The following MPP4 variants were observed in gnomAD, a reference collection of about 807,000 sequenced individuals.
The protein encoded by MPP4 is MAGUK p55 subfamily member 4.
Under a neutral mutation model 98.3 loss-of-function variants are expected in MPP4, and 91 were observed. That is an observed-to-expected ratio of 0.93 (90% confidence interval 0.78 to 1.10). The LOEUF (loss-of-function observed/expected upper bound fraction) is 1.10. MPP4 is among the 50% of genes least tolerant of loss of function. The pLI is 0.00. For missense variants in MPP4, 744 were observed against 792.9 expected, an observed-to-expected ratio of 0.94 and a Z score of 0.74; for synonymous variants, 261 against 271.8, an observed-to-expected ratio of 0.96 and a Z score of 0.39.
intron 8 of MPP4, among the ~76,000 whole-genome samples, chr2:201,681,997 G>A (rs910543470): frequency 2.0e-5 from 3 of 152,128 alleles, no homozygotes; most frequent in Non-Finnish European, 4.4e-5. Context: ...GAAGAAGAGG[G>A]GCTCCTAAGT....
intron 1 of MPP4, among the ~76,000 whole-genome samples, chr2:201,697,068 C>T (rs1454657792): frequency 6.6e-6 from 1 of 152,084 alleles, no homozygotes; most frequent in Non-Finnish European, 1.5e-5. Context: ...ATGTCATTAG[C>T]GTCTGGGTAA....
Position 201,645,239 on chromosome 2 carries a change from A to G in MPP4, c.1885T>C (p.Trp629Arg), listed in dbSNP as rs769470772. Residue 629 changes from tryptophan (W) to arginine (R), a missense_variant, in exon 22 of 22, where the codon TGG becomes CGG. By Grantham distance (101) the Trp-to-Arg change is moderately radical. Coordinates refer to ENST00000409474, the MANE Select transcript of MPP4 (RefSeq NM_033066.3). ...TGAGACTCAGTATCTGAGGAAATCC[A>G]TGTTGCTGGTACCCACTGAGGCTCC... ...QEEPQWVPAT[W>R]ISSDTESQ 3.1e-6 allele frequency: 5 copies of G among 1,613,368 alleles called. No homozygotes were observed. The South Asian group carries it at 4.4e-5, about 14-fold the overall frequency.
intron 10 of MPP4, among the ~76,000 whole-genome samples, chr2:201,675,648 G>A (rs1446370472): frequency 6.6e-6 from 1 of 152,126 alleles, no homozygotes; most frequent in Non-Finnish European, 1.5e-5. Context: ...TTCCCTCTCA[G>A]GCTATTAGAG....
intron 10 of MPP4, among the ~76,000 whole-genome samples, chr2:201,676,629 G>A (rs1196762261): frequency 6.6e-6 from 1 of 152,250 alleles, no homozygotes; most frequent in African/African-American, 2.4e-5. Flanking sequence ...GCTGGGTGTG[G>A]TGGCTCACGC....
In MPP4 at chr2:201,669,782, G is replaced by T. The variant is rs77361840; in HGVS notation, c.995-32C>A. The stretch of plus-strand genomic sequence containing the variant: ...ACAAGCAAATGATTGAAGCAGGGGG[G>T]ATAAAAAGAACACAGTATCTGTACT... On this transcript the variant is annotated intron_variant, in intron 11 of 21. Transcript: ENST00000409474. The T allele has an allele frequency of 2.8e-3, 3,809 of 1,365,716 alleles. 110 individuals carry two copies. The African/African-American group carries it at 0.051, about 18-fold the overall frequency. 84.6% of individuals were successfully genotyped at this position (1,365,716 alleles called of 1,614,324 possible).
chr2:201,697,096 G>A lies in MPP4; in HGVS notation c.-101+1491C>T, dbSNP rs1689210426. Reference sequence around the variant, plus strand: ...CTGGGTAAGAGCCATCAGAGTTCATGTGTTCTCTCTCTCCCTGCCAGATGA... The same window carrying A: ...CTGGGTAAGAGCCATCAGAGTTCATATGTTCTCTCTCTCCCTGCCAGATGA... On this transcript the variant is annotated intron_variant, in intron 1 of 21. Coordinates refer to ENST00000409474, the MANE Select transcript of MPP4 (RefSeq NM_033066.3). Among the ~76,000 whole-genome samples the A allele has an allele frequency of 4.6e-5, 7 of 152,172 alleles. No homozygotes were observed. The South Asian group carries it at 1.4e-3, about 31-fold the overall frequency.
chr2:201,676,680 A>G (rs1347319026), intron 10 of MPP4, among the ~76,000 whole-genome samples: 2 of 152,196 alleles, frequency 1.3e-5, no homozygotes, highest in African/African-American at 4.8e-5. Context: ...CAGGCAGATC[A>G]CCTGAGGTCA....
chr2:201,652,451 T>A (rs1687739146), intron 18 of MPP4, among the ~76,000 whole-genome samples: 1 of 152,160 alleles, frequency 6.6e-6, no homozygotes. Context: ...AGAGCAAGAC[T>A]CCGTCTTAAA....
rs1687660177 is a variant in MPP4 at position 201,649,604 on chromosome 2, T to A, written c.1556A>T (p.Lys519Met). Residue 519 changes from lysine to methionine, a missense_variant, in exon 20 of 22, where the codon AAG (lysine) becomes ATG (methionine). Physicochemically the swap from Lys to Met is moderately conservative, Grantham distance 95 (BLOSUM62 -1). Coordinates refer to ENST00000409474, the MANE Select transcript of MPP4 (RefSeq NM_033066.3). ...AGGCTCTAGGTCCATGACACAGATC[T>A]TTCCTTCGACAAGGACTGTTTGAAC... is the stretch of plus-strand genomic sequence containing the variant. ...DAVQTVLVEGKICVMDLEPQD... is the reference protein window; with the variant it reads ...DAVQTVLVEGMICVMDLEPQD... 6.2e-7 allele frequency: 1 copy of A among 1,607,528 alleles called. No homozygotes were observed. Among genetic ancestry groups the A allele is most frequent in the African/African-American group, 1.3e-5 (1 of 74,864 alleles).
rs1688279779 is a variant in MPP4 at position 201,669,554 on chromosome 2, A to G, written c.1012+179T>C. On this transcript the variant is annotated intron_variant, in intron 12 of 21. Coordinates refer to ENST00000409474, the MANE Select transcript of MPP4 (RefSeq NM_033066.3). Reference sequence around the variant, plus strand: ...ATCTTTGAATGACATATTTTTATAAATCAATGACTATCACACTACTAGGTA... The same window carrying G: ...ATCTTTGAATGACATATTTTTATAAGTCAATGACTATCACACTACTAGGTA... Among the ~76,000 whole-genome samples, 3 of 6,172 alleles carry G rather than the reference A, an allele frequency of 4.9e-4. No homozygotes were observed. The South Asian group carries it at 0.25, about 514-fold the overall frequency. The allele number at this position is 6,172 out of a possible 152,430, so 4.0% of individuals were successfully genotyped here.
intron 10 of MPP4, among the ~76,000 whole-genome samples, chr2:201,678,074 T>C (rs1487653189): frequency 6.6e-6 from 1 of 152,070 alleles, no homozygotes; most frequent in African/African-American, 2.4e-5. Flanking sequence ...TGCTTCTAAA[T>C]GAAATTGCTT....
At chr2:201,651,344 A>ACATCACATCTCC (rs1230567676) in intron 18 of MPP4, 12 of 985,304 alleles carry the variant, frequency 1.2e-5, no homozygotes, top group African/African-American at 1.7e-5. Flanking sequence ...TCCTACAGTT[A>ACATCACATCTCC]CATCACATCT....
intron 21 of MPP4, among the ~76,000 whole-genome samples, chr2:201,646,152 T>A (rs1285552672): frequency 6.6e-6 from 1 of 152,208 alleles, no homozygotes; most frequent in Non-Finnish European, 1.5e-5. Flanking sequence ...CCGTGTGAAC[T>A]TATCTTACTC....
rs373871990 is a variant in MPP4 at position 201,681,050 on chromosome 2, T to C, written c.733-16A>G. 8 of 1,601,662 alleles carry C rather than the reference T, an allele frequency of 5.0e-6. No individual in the cohort carries two copies. Among genetic ancestry groups the C allele is most frequent in the Non-Finnish European group, 6.8e-6 (8 of 1,170,164 alleles). On this transcript the variant is annotated splice_polypyrimidine_tract_variant and intron_variant, in intron 9 of 21. Transcript: ENST00000409474. ...GGACGTACACCTGATGGCAGGTGCA[T>C]AATGACGCTATCAGAAGGTGCCTAA...
intron 15 of MPP4, 79 bp from the exon 16 acceptor site, chr2:201,658,597 A>G (rs1559005681): frequency 7.2e-7 from 1 of 1,393,046 alleles, no homozygotes; most frequent in Non-Finnish European, 9.9e-7. Flanking sequence ...AATCATTTTC[A>G]ACTTTTCAAG....
chr2:201,679,412 C>T (rs761743286), intron 10 of MPP4, among the ~76,000 whole-genome samples: 1 of 152,172 alleles, frequency 6.6e-6, no homozygotes, highest in Non-Finnish European at 1.5e-5. Flanking sequence ...TTTCTACTCT[C>T]TCCTTCCCAA....
Position 201,681,111 on chromosome 2 carries a change from C to G in MPP4, c.733-77G>C, listed in dbSNP as rs1019081761. Reference sequence around the variant, plus strand: ...CGAAGAACCCTTGCCCATGGGCCATCATGACTTAAAACCATTTCTCCCACT... The same window carrying G: ...CGAAGAACCCTTGCCCATGGGCCATGATGACTTAAAACCATTTCTCCCACT... On this transcript the variant is annotated intron_variant, in intron 9 of 21. Transcript: ENST00000409474. 18 of 1,442,196 alleles carry G rather than the reference C, an allele frequency of 1.2e-5. No individual in the cohort carries two copies. In the East Asian group the frequency reaches 3.4e-4, roughly 27 times the overall value. 89.3% of individuals were successfully genotyped at this position (1,442,196 alleles called of 1,614,324 possible). A position where few individuals can be genotyped will look rare whatever the true frequency, so the allele number is the denominator to read the frequency against.
chr2:201,669,480 T>C (rs1385602950), intron 12 of MPP4, among the ~76,000 whole-genome samples: 1 of 152,262 alleles, frequency 6.6e-6, no homozygotes, highest in Non-Finnish European at 1.5e-5. Context: ...ATGTTGCTTC[T>C]CTTTTCTTTA....
intron 14 of MPP4, among the ~76,000 whole-genome samples, chr2:201,662,420 G>A (rs938296085): frequency 1.1e-4 from 16 of 146,840 alleles, no homozygotes; most frequent in African/African-American, 5.0e-5. Context: ...AGAATCACTT[G>A]AGCCTGGGGG....
Sources: allele counts gnomAD v4.1 joint callset (sites outside exome capture counted in the v4.1 genomes callset), GRCh38; gene constraint gnomAD v4.1.1; transcripts MANE v1.5; gene names NCBI Gene and HGNC (gene_info 2026-07-23, HGNC 2026-07-21).